PCDHGB4: variants seen among roughly 807,000 people sequenced by gnomAD.
PCDHGB4 encodes protocadherin gamma-B4.
Under a neutral mutation model 60.5 loss-of-function variants are expected in PCDHGB4, and 38 were observed. That is an observed-to-expected ratio of 0.63 (90% CI 0.48 to 0.82). The LOEUF is 0.82. Ranked by LOEUF, PCDHGB4 falls within the 40% of genes least tolerant of loss-of-function variation. The pLI, the probability that PCDHGB4 is intolerant of heterozygous loss-of-function variation, is 0.00. For synonymous variants in PCDHGB4, 456 were observed against 509.7 expected (o/e 0.89, Z 1.42); for missense variants, 1,109 against 1,209.6 (o/e 0.92, Z 1.23).
intron 1 of PCDHGB4, among the ~76,000 whole-genome samples, chr5:141,482,442 C>T (rs942933015): frequency 1.4e-5 from 2 of 147,678 alleles, no homozygotes; most frequent in Non-Finnish European, 3.0e-5. Flanking sequence ...CTGATATTCA[C>T]CATTTATTAG....
At chr5:141,445,890 T>A (rs1435563284) in intron 1 of PCDHGB4, among the ~76,000 whole-genome samples, 1 of 152,210 alleles carries the variant, frequency 6.6e-6, no homozygotes, top group Non-Finnish European at 1.5e-5. Flanking sequence ...ACTTAGGAGC[T>A]ATTAAAATAT....
intron 1 of PCDHGB4, chr5:141,404,805 C>G (rs770534822): frequency 1.3e-5 from 21 of 1,613,960 alleles, no homozygotes; most frequent in Non-Finnish European, 1.8e-5. Context: ...GGGCTCTTCT[C>G]GGTGGGGCTG....
Position 141,419,399 on chromosome 5 carries a change from G to C in PCDHGB4, c.2397+29118G>C, listed in dbSNP as rs893535249. On this transcript the variant is annotated intron_variant, in intron 1 of 3. Coordinates refer to ENST00000519479, the MANE Select transcript of PCDHGB4 (RefSeq NM_003736.4). ...GTCCGTGAGCGCGCAGAGCGGGGTG[G>C]TGTTCGCGCAGCGCGCCTTCGACCA... 1.7e-5 allele frequency: 28 copies of C among 1,613,470 alleles called. No individual in the cohort carries two copies. Among genetic ancestry groups the C allele is most frequent in the Admixed American group, 1.7e-5 (1 of 60,014 alleles).
chr5:141,394,836 T>C (rs116789057), intron 1 of PCDHGB4: 14 of 1,613,630 alleles, frequency 8.7e-6, no homozygotes, highest in South Asian at 1.1e-5. Flanking sequence ...CCTGACCGAG[T>C]TGGGCAGTCT....
intron 1 of PCDHGB4, chr5:141,422,628 C>A: frequency 6.2e-7 from 1 of 1,613,410 alleles, no homozygotes; most frequent in Non-Finnish European, 8.5e-7. Context: ...AAAACAACCC[C>A]AGGGGTGCCT....
intron 1 of PCDHGB4, chr5:141,408,072 T>G (rs1047187961): frequency 1.7e-5 from 24 of 1,388,622 alleles, no homozygotes; most frequent in Middle Eastern, 2.6e-4. Flanking sequence ...CGCAGACCTT[T>G]CCCAGCACAG....
chr5:141,427,440 G>T (rs747459662), intron 1 of PCDHGB4: 3 of 477,366 alleles, frequency 6.3e-6, no homozygotes, highest in South Asian at 3.1e-5. Flanking sequence ...CCTCATAAAC[G>T]AAAGAGTTCC....
At chr5:141,398,041 G>A in intron 1 of PCDHGB4, 3 of 1,492,894 alleles carry the variant, frequency 2.0e-6, no homozygotes, top group Non-Finnish European at 2.7e-6. Context: ...ACTAAAGCCC[G>A]TTCGGAGATC....
chr5:141,483,435 A>G (rs2099581280), intron 1 of PCDHGB4, among the ~76,000 whole-genome samples: 1 of 152,180 alleles, frequency 6.6e-6, no homozygotes, highest in Admixed American at 6.5e-5. Context: ...GGAGCTGACT[A>G]CAATAAAATC....
intron 1 of PCDHGB4, chr5:141,420,114 A>G: frequency 6.2e-7 from 1 of 1,614,032 alleles, no homozygotes; most frequent in Non-Finnish European, 8.5e-7. Context: ...CCCTATGCCT[A>G]TAATTTTTGT....
At position 141,496,266 on chromosome 5, in the gene PCDHGB4, AAGACCTTC is replaced by A. The variant is rs2099767586; in HGVS notation, c.2456+1404_2456+1411del. Among the ~76,000 whole-genome samples the A allele has an allele frequency of 2.0e-5, 3 of 152,152 alleles. No homozygotes were observed. The South Asian group carries it at 6.2e-4, about 32-fold the overall frequency. Reference sequence around the variant, plus strand: ...TGAAGGGGAGGGAAACTTCAGCAGAAAGACCTTCAGTTGGTCTGAGCAGAGTGGGATAG... The same window carrying A: ...TGAAGGGGAGGGAAACTTCAGCAGAAAGTTGGTCTGAGCAGAGTGGGATAG... On this transcript the variant is annotated intron_variant, in intron 2 of 3. Coordinates refer to ENST00000519479, the MANE Select transcript of PCDHGB4 (RefSeq NM_003736.4).
chr5:141,389,633 C>T lies in PCDHGB4; in HGVS notation c.1749C>T (p.Gly583=). ...TGGTGCCGCACGCTGCAGAGCCTGG[C>T]TACTTGGTGACCAAGGTAGTGGCGG... ...FDMVPHAAEP[G]YLVTKVVAVD... is the part of the protein sequence containing the mutation. Residue 583 remains glycine (G), a synonymous_variant, in exon 1 of 4, where the codon GGC becomes GGT. Transcript: ENST00000519479. 1.2e-6 allele frequency: 2 copies of T among 1,613,016 alleles called. No individual in the cohort carries two copies. The highest frequency in any genetic ancestry group is 1.7e-6 in the Non-Finnish European group (2 of 1,179,864).
chr5:141,404,741 G>C, intron 1 of PCDHGB4: 1 of 1,614,072 alleles, frequency 6.2e-7, no homozygotes, highest in South Asian at 1.1e-5. Context: ...AGTGGACAGA[G>C]ACTCAGGCCA....
intron 3 of PCDHGB4, among the ~76,000 whole-genome samples, chr5:141,508,841 C>A (rs969875150): frequency 6.6e-6 from 1 of 152,140 alleles, no homozygotes; most frequent in East Asian, 1.9e-4. Context: ...TCCCCTACCC[C>A]TTCCATTCCC....
Position 141,422,468 on chromosome 5 carries a change from A to T in PCDHGB4, c.2397+32187A>T, listed in dbSNP as rs555211298. On this transcript the variant is annotated intron_variant, in intron 1 of 3. Transcript: ENST00000519479. ...ATAACAAGCAGAGTGCTGGACAGGG[A>T]GTTGGTCCAGAGCTACAATATAACG... 59 of 1,613,640 alleles carry T rather than the reference A, an allele frequency of 3.7e-5. No homozygotes were observed. In the South Asian group the frequency reaches 4.7e-4, roughly 13 times the overall value.
chr5:141,436,638 A>G (rs2097838155), intron 1 of PCDHGB4, among the ~76,000 whole-genome samples: 1 of 152,194 alleles, frequency 6.6e-6, no homozygotes, highest in Non-Finnish European at 1.5e-5. Flanking sequence ...ACATGCAATT[A>G]ATTAACAGTA....
chr5:141,415,434 C>T, intron 1 of PCDHGB4: 2 of 1,614,192 alleles, frequency 1.2e-6, no homozygotes, highest in Non-Finnish European at 1.7e-6. Context: ...TTCGGGCTTT[C>T]CTGCAGACCT....
At chr5:141,460,331 A>T (rs537463160) in intron 1 of PCDHGB4, among the ~76,000 whole-genome samples, 3 of 152,212 alleles carry the variant, frequency 2.0e-5, no homozygotes, top group African/African-American at 7.2e-5. Flanking sequence ...AAAACTTATG[A>T]TGATTTTCTC....
chr5:141,413,804 C>A, intron 1 of PCDHGB4: 7 of 1,613,194 alleles, frequency 4.3e-6, no homozygotes, highest in Non-Finnish European at 5.9e-6. Context: ...GAGGAAGAGG[C>A]CATTCACCAC....
Sources: allele counts gnomAD v4.1 joint callset (sites outside exome capture counted in the v4.1 genomes callset), GRCh38; gene constraint gnomAD v4.1.1; transcripts MANE v1.5; gene names NCBI Gene and HGNC (gene_info 2026-07-23, HGNC 2026-07-21).